The following SLFN5 variants were observed in gnomAD, a reference collection of about 807,000 sequenced individuals.
SLFN5 encodes schlafen family member 5.
Under a neutral mutation model 48.5 loss-of-function variants are expected in SLFN5, and 34 were observed. The ratio of observed to expected loss-of-function variants is 0.70; its 90% CI spans 0.53 to 0.93. The LOEUF (loss-of-function observed/expected upper bound fraction) is 0.93. Among genes scored for constraint, SLFN5 ranks in the 40% least tolerant of loss-of-function variants. The probability of loss-of-function intolerance (pLI) is 0.00; values close to 1 mark genes in which losing one functional copy is unlikely to be tolerated. For missense variants in SLFN5, 1,006 were observed against 1,071.3 expected, an observed-to-expected ratio of 0.94 and a Z score of 0.85; for synonymous variants, 387 against 396.2, an observed-to-expected ratio of 0.98 and a Z score of 0.28.
In SLFN5 at chr17:35,265,135, A is replaced by T. The variant is rs79255646; in HGVS notation, c.1923A>T (p.Glu641Asp). 4.6e-4 allele frequency: 737 copies of T among 1,614,146 alleles called. 2 individuals are homozygous for T. The African/African-American group carries it at 8.8e-3, about 19-fold the overall frequency. ...AAACCTTCATGAAAAACAACTTTGA[A>T]CACATCCAGCACATTATCATTGATG... The part of the protein sequence containing the change: ...TRKTFMKNNF[E>D]HIQHIIIDDA... Residue 641 changes from glutamate (E) to aspartate (D), a missense_variant, in exon 5 of 5, where the codon GAA becomes GAT. By Grantham distance (45) the Glu-to-Asp change is conservative. Coordinates refer to ENST00000299977, the MANE Select transcript of SLFN5 (RefSeq NM_144975.4).
chr17:35,257,894 A>G (rs556253488), intron 1 of SLFN5, among the ~76,000 whole-genome samples: 2 of 152,326 alleles, frequency 1.3e-5, no homozygotes, highest in Admixed American at 1.3e-4. Flanking sequence ...ACAAAGAATC[A>G]AGAAAAACAA....
Position 35,265,349 on chromosome 17 carries a change from C to G in SLFN5, c.2137C>G (p.Arg713Gly). ...AAGAGAAGAGATCAACAGAGTGGTCCGCAATGCAGGTCCAATAGCTAATTA... is the reference window on the plus strand; with the variant it reads ...AAGAGAAGAGATCAACAGAGTGGTCGGCAATGCAGGTCCAATAGCTAATTA... ...YPREEINRVV[R>G]NAGPIANYLQ... is the part of the protein sequence containing the mutation. The change falls in exon 5 of 5, where the codon CGC (arginine) becomes GGC (glycine). Residue 713 changes from arginine (R) to glycine (G), a missense_variant. Arg to Gly is a moderately radical substitution (Grantham distance 125, BLOSUM62 -2). Transcript: ENST00000299977. The G allele has an allele frequency of 6.2e-7, 1 of 1,614,124 alleles. No homozygotes were observed. The highest frequency in any genetic ancestry group is 1.1e-5 in the South Asian group (1 of 91,070).
chr17:35,271,745 G>A lies in SLFN5; in HGVS notation c.*5857G>A, dbSNP rs1053551098. On this transcript the variant is annotated 3_prime_UTR_variant, in exon 5 of 5. Transcript: ENST00000299977. ...CATTGAAATGATTTTAAAATTTAAT[G>A]AAGGCCAAGCATGGTGGCTCACTCC... The A allele has an allele frequency of 6.6e-6, 1 of 152,130 alleles. No homozygotes were observed. The highest frequency in any genetic ancestry group is 1.5e-5 in the Non-Finnish European group (1 of 68,024). 9.4% of individuals were successfully genotyped at this position (152,130 alleles called of 1,614,324 possible). A position where few individuals can be genotyped will look rare whatever the true frequency, so the allele number is the denominator to read the frequency against.
chr17:35,271,777 C>T lies in SLFN5; in HGVS notation c.*5889C>T, dbSNP rs1904836786. 6.6e-6 allele frequency: 1 copy of T among 152,302 alleles called. No homozygotes were observed. The highest frequency in any genetic ancestry group is 2.1e-4 in the South Asian group (1 of 4,826). 9.4% of individuals were successfully genotyped at this position (152,302 alleles called of 1,614,324 possible). Reference sequence around the variant, plus strand: ...AAGCATGGTGGCTCACTCCTGTAATCCCAGCACTTTGAGAGGCCGAGGCAG... The same window carrying T: ...AAGCATGGTGGCTCACTCCTGTAATTCCAGCACTTTGAGAGGCCGAGGCAG... On this transcript the variant is annotated 3_prime_UTR_variant, in exon 5 of 5. Coordinates refer to ENST00000299977, the MANE Select transcript of SLFN5 (RefSeq NM_144975.4).
Position 35,259,552 on chromosome 17 carries a change from G to A in SLFN5, c.862G>A (p.Ala288Thr). ...LNFLEVHDKGALRGYVCAIKV... is the reference protein window; with the variant it reads ...LNFLEVHDKGTLRGYVCAIKV... ...CTTCCTTGAAGTGCATGATAAGGGGGCCCTCCGTGGATATGTCTGTGCAAT... is the reference window on the plus strand; with the variant it reads ...CTTCCTTGAAGTGCATGATAAGGGGACCCTCCGTGGATATGTCTGTGCAAT... Residue 288 changes from alanine to threonine, a missense_variant, in exon 2 of 5, where the codon GCC becomes ACC. By Grantham distance (58) the Ala-to-Thr change is moderately conservative. Transcript: ENST00000299977. 1.2e-6 allele frequency: 2 copies of A among 1,613,996 alleles called. No individual in the cohort carries two copies. Among genetic ancestry groups the A allele is most frequent in the Non-Finnish European group, 1.7e-6 (2 of 1,180,028 alleles).
In SLFN5 at chr17:35,269,995, A is replaced by C. The variant is rs539601995; in HGVS notation, c.*4107A>C. On this transcript the variant is annotated 3_prime_UTR_variant, in exon 5 of 5. Transcript: ENST00000299977. ...TTAGATAAATCTTCCTGTAACTGAA[A>C]GTTCTTGAGTTAAAGAAAAATATTC... 6.6e-6 allele frequency: 1 copy of C among 152,324 alleles called. No individual in the cohort carries two copies. The highest frequency in any genetic ancestry group is 2.4e-5 in the African/African-American group (1 of 41,578). The allele number at this position is 152,324 out of a possible 1,614,324, so 9.4% of individuals were successfully genotyped here.
intron 1 of SLFN5, among the ~76,000 whole-genome samples, chr17:35,246,905 GT>G: frequency 6.6e-6 from 1 of 152,028 alleles, no homozygotes; most frequent in East Asian, 1.9e-4. Context: ...TGTAAGAAAT[GT>G]TTGCCTAACC....
intron 1 of SLFN5, among the ~76,000 whole-genome samples, chr17:35,243,631 G>T (rs1392271484): frequency 6.6e-6 from 1 of 152,188 alleles, no homozygotes; most frequent in African/African-American, 2.4e-5. Flanking sequence ...TCTTCAAACT[G>T]TAACAACAGG....
chr17:35,243,509 A>C (rs577150947), intron 1 of SLFN5, among the ~76,000 whole-genome samples: 3 of 152,348 alleles, frequency 2.0e-5, no homozygotes, highest in South Asian at 4.1e-4. Flanking sequence ...GGGGCTCCCG[A>C]GGATGAAGTT....
intron 1 of SLFN5, among the ~76,000 whole-genome samples, chr17:35,257,060 G>A (rs931012155): frequency 4.6e-5 from 7 of 152,104 alleles, no homozygotes; most frequent in African/African-American, 9.7e-5. Context: ...GGTGATCTGA[G>A]GTAGAACAGT....
chr17:35,246,224 C>T (rs1450926132), intron 1 of SLFN5, among the ~76,000 whole-genome samples: 1 of 152,102 alleles, frequency 6.6e-6, no homozygotes, highest in Non-Finnish European at 1.5e-5. Context: ...ATATAATCTA[C>T]TTACAAGTTC....
At chr17:35,256,009 T>G (rs1028968392) in intron 1 of SLFN5, among the ~76,000 whole-genome samples, 3 of 152,252 alleles carry the variant, frequency 2.0e-5, no homozygotes, top group African/African-American at 7.2e-5. Context: ...TCATAATAGA[T>G]GTATTCTGTG....
Position 35,267,079 on chromosome 17 carries a change from C to T in SLFN5, c.*1191C>T, listed in dbSNP as rs982694627. 1 of 152,126 alleles carries T rather than the reference C, an allele frequency of 6.6e-6. No homozygotes were observed. The highest frequency in any genetic ancestry group is 1.5e-5 in the Non-Finnish European group (1 of 68,006). 9.4% of individuals were successfully genotyped at this position (152,126 alleles called of 1,614,324 possible). On this transcript the variant is annotated 3_prime_UTR_variant, in exon 5 of 5. Transcript: ENST00000299977. ...TGGCAGCTACTTACAATATTAAGAACTTTACTTTTTAAATTTGAGACAATT... is the reference window on the plus strand; with the variant it reads ...TGGCAGCTACTTACAATATTAAGAATTTTACTTTTTAAATTTGAGACAATT...
intron 1 of SLFN5, among the ~76,000 whole-genome samples, chr17:35,244,662 A>G (rs1019496885): frequency 6.6e-6 from 1 of 152,202 alleles, no homozygotes. Context: ...GCCGTGGCTT[A>G]TGCCTGTAAT....
chr17:35,261,092 T>C lies in SLFN5; in HGVS notation c.1134T>C (p.Phe378=). The part of the protein sequence containing the change: ...ECLKEQQKRY[F]PVFSDRVVYT... The stretch of plus-strand genomic sequence containing the variant: ...TGAAAGAGCAGCAGAAACGCTACTT[T>C]CCAGGTAATTGGCCATCTCTGGTTG... The change falls in exon 3 of 5, where the codon TTT becomes TTC. Residue 378 remains phenylalanine, a synonymous_variant. Coordinates refer to ENST00000299977, the MANE Select transcript of SLFN5 (RefSeq NM_144975.4). 3 of 1,613,208 alleles carry C rather than the reference T, an allele frequency of 1.9e-6. No homozygotes were observed. The highest frequency in any genetic ancestry group is 2.5e-6 in the Non-Finnish European group (3 of 1,179,366).
Position 35,267,080 on chromosome 17 carries a change from T to A in SLFN5, c.*1192T>A, listed in dbSNP as rs1348104346. Reference sequence around the variant, plus strand: ...GGCAGCTACTTACAATATTAAGAACTTTACTTTTTAAATTTGAGACAATTT... The same window carrying A: ...GGCAGCTACTTACAATATTAAGAACATTACTTTTTAAATTTGAGACAATTT... On this transcript the variant is annotated 3_prime_UTR_variant, in exon 5 of 5. Transcript: ENST00000299977. 1 of 152,196 alleles carries A rather than the reference T, an allele frequency of 6.6e-6. No individual in the cohort carries two copies. Among genetic ancestry groups the A allele is most frequent in the African/African-American group, 2.4e-5 (1 of 41,454 alleles). 9.4% of individuals were successfully genotyped at this position (152,196 alleles called of 1,614,324 possible).
At chr17:35,258,562 C>G in intron 1 of SLFN5, 89 bp from the exon 2 acceptor site, 1 of 1,117,008 alleles carries the variant, frequency 9.0e-7, no homozygotes, top group Non-Finnish European at 1.2e-6. Flanking sequence ...ATGAAGGGAC[C>G]AACCTCAGTA....
At chr17:35,254,736 G>A (rs1236263328) in intron 1 of SLFN5, among the ~76,000 whole-genome samples, 2 of 152,190 alleles carry the variant, frequency 1.3e-5, no homozygotes, top group Non-Finnish European at 2.9e-5. Flanking sequence ...CTGGATTTCG[G>A]CCGGGCGTGG....
Position 35,264,258 on chromosome 17 carries a change from A to T in SLFN5, c.1214A>T (p.Asp405Val). Residue 405 changes from aspartate to valine, a missense_variant, in exon 4 of 5, where the codon GAC (aspartate) becomes GTC (valine). Asp to Val is a radical substitution (Grantham distance 152, BLOSUM62 -3). Transcript: ENST00000299977. ...TTCTCACAACATAAAGGACTCAGAG[A>T]CTTAATAAATACAGAAATGCGCCCT... ...ELFSQHKGLR[D>V]LINTEMRPFS... The T allele has an allele frequency of 1.2e-6, 2 of 1,614,126 alleles. No homozygotes were observed. The highest frequency in any genetic ancestry group is 1.7e-6 in the Non-Finnish European group (2 of 1,180,036).
Sources: gnomAD v4.1 joint callset for allele counts (sites outside exome capture counted in the v4.1 genomes callset) on GRCh38, gnomAD v4.1.1 for gene constraint, MANE v1.5 for transcripts, NCBI Gene and HGNC (gene_info 2026-07-23, HGNC 2026-07-21) for gene names.